Variants in KMT2D observed in about 807,000 individuals in gnomAD.
The protein encoded by KMT2D is lysine methyltransferase 2D, also known as histone-lysine N-methyltransferase 2D.
KMT2D carries 55 observed loss-of-function variants against 512.7 expected under a neutral mutation model. That is an observed-to-expected ratio of 0.11 (90% CI 0.09 to 0.13). KMT2D has a LOEUF of 0.13. Among genes scored for constraint, KMT2D ranks in the 10% least tolerant of loss-of-function variants. The pLI, the probability that KMT2D is intolerant of heterozygous loss-of-function variation, is 1.00. For synonymous variants in KMT2D, 2,995 were observed against 2,904.0 expected, an observed-to-expected ratio of 1.03 and a Z score of -1.01; for missense variants, 6,061 against 7,127.9, an observed-to-expected ratio of 0.85 and a Z score of 5.39.
In KMT2D at chr12:49,041,812, C is replaced by T; in HGVS notation, c.6183+105G>A. The T allele has an allele frequency of 1.3e-6, 2 of 1,520,470 alleles. No homozygotes were observed. Among genetic ancestry groups the T allele is most frequent in the Non-Finnish European group, 9.0e-7 (1 of 1,116,378 alleles). The allele number at this position is 1,520,470 out of a possible 1,614,324, so 94.2% of individuals were successfully genotyped here. On this transcript the variant is annotated intron_variant, in intron 30 of 54. Transcript: ENST00000301067. The surrounding 1 kb of genome is among the most constrained non-coding windows in gnomAD (Gnocchi z 5.4). The stretch of plus-strand genomic sequence containing the variant: ...TACCCAGAAGCAGATCCCTTCTGGC[C>T]CAGCTGCTTTAGGAGTGGGGAGCGG...
rs1013309167 is a variant in KMT2D at position 49,044,974 on chromosome 12, G to C, written c.4742-9C>G. ...GCGAAAGTACTGGGGCTCTGCATAA[G>C]AGGAAAGAGTATGTGATCCCTGGAT... On this transcript the variant is annotated splice_polypyrimidine_tract_variant and intron_variant, in intron 19 of 54. Transcript: ENST00000301067. The surrounding 1 kb of genome is among the most constrained non-coding windows in gnomAD (Gnocchi z 6.4). The C allele has an allele frequency of 3.7e-6, 6 of 1,609,972 alleles. No homozygotes were observed. The highest frequency in any genetic ancestry group is 5.1e-6 in the Non-Finnish European group (6 of 1,176,346).
Position 49,024,055 on chromosome 12 carries a change from C to G in KMT2D, c.16052+523G>C, listed in dbSNP as rs763527434. 2.2e-6 allele frequency: 1 copy of G among 455,660 alleles called. No homozygotes were observed. The highest frequency in any genetic ancestry group is 2.4e-5 in the Admixed American group (1 of 42,464). 28.2% of individuals were successfully genotyped at this position (455,660 alleles called of 1,614,324 possible). On this transcript the variant is annotated intron_variant, in intron 51 of 54. Transcript: ENST00000301067. This position sits in a 1 kb window ranked among gnomAD's most constrained non-coding sequence, Gnocchi z 4.5. ...GTCATACCACCTGCCCTACCTACCTCATAAGGTTGTTGTGAGGATCAAATG... is the reference window on the plus strand; with the variant it reads ...GTCATACCACCTGCCCTACCTACCTGATAAGGTTGTTGTGAGGATCAAATG...
In KMT2D at chr12:49,050,438, G is replaced by A. The variant is rs776139328; in HGVS notation, c.3150C>T (p.Ser1050=). The part of the protein sequence containing the change: ...SQCSPPALPL[S]VPSPLSPIGK... Reference sequence around the variant, plus strand: ...CTATGGGACTCAACGGGGAGGGAACGGACAGTGGTAGGGCAGGAGGAGAGC... The same window carrying A: ...CTATGGGACTCAACGGGGAGGGAACAGACAGTGGTAGGGCAGGAGGAGAGC... Residue 1050 remains serine (S), a synonymous_variant, in exon 12 of 55, where the codon TCC becomes TCT. Transcript: ENST00000301067. 1.1e-5 allele frequency: 18 copies of A among 1,613,834 alleles called. No individual in the cohort carries two copies. Among genetic ancestry groups the A allele is most frequent in the Admixed American group, 5.0e-5 (3 of 59,984 alleles).
chr12:49,043,029 C>T (rs771153216), intron 26 of KMT2D, 47 bp downstream of exon 26: 9 of 1,575,696 alleles, frequency 5.7e-6, no homozygotes, highest in Non-Finnish European at 7.9e-6. Flanking sequence ...TCCTCCTTCT[C>T]CCATAGAAAA....
chr12:49,046,280 G>T lies in KMT2D; in HGVS notation c.4563C>A (p.Ile1521=), dbSNP rs1167818305. The change falls in exon 17 of 55, where the codon ATC becomes ATA. Residue 1521 remains isoleucine, a synonymous_variant. Coordinates refer to ENST00000301067, the MANE Select transcript of KMT2D (RefSeq NM_003482.4). The surrounding 1 kb of genome is among the most constrained non-coding windows in gnomAD (Gnocchi z 4.2). ...HAPYVEEDLL[I]QCRHCERWMH... is the part of the protein sequence containing the mutation. ...CTCACCGTTCACAGTGGCGGCACTG[G>T]ATTAGTAGGTCCTCTTCTACGTAAG... The T allele has an allele frequency of 6.2e-7, 1 of 1,614,012 alleles. No homozygotes were observed. The highest frequency in any genetic ancestry group is 8.5e-7 in the Non-Finnish European group (1 of 1,179,896).
At position 49,040,426 on chromosome 12, in the gene KMT2D, G is replaced by A. The variant is rs778086996; in HGVS notation, c.7344C>T (p.Asp2448=). ...SPVTPRFQSP[D]PYSRPPSRPQ... Reference sequence around the variant, plus strand: ...GGCGTGAGGGTGGGCGAGAATAAGGGTCAGGGGACTGGAAGCGAGGGGTAA... The same window carrying A: ...GGCGTGAGGGTGGGCGAGAATAAGGATCAGGGGACTGGAAGCGAGGGGTAA... Residue 2448 remains aspartate (D), a synonymous_variant, in exon 32 of 55, where the codon GAC becomes GAT. Transcript: ENST00000301067. 6.4e-7 allele frequency: 1 copy of A among 1,563,634 alleles called. No individual in the cohort carries two copies. The highest frequency in any genetic ancestry group is 8.7e-7 in the Non-Finnish European group (1 of 1,153,976).
At position 49,037,881 on chromosome 12, in the gene KMT2D, T is replaced by A. The variant is rs2120486975; in HGVS notation, c.9475A>T (p.Ser3159Cys). Residue 3159 changes from serine to cysteine, a missense_variant, in exon 35 of 55, where the codon AGC becomes TGC. By Grantham distance (112) the Ser-to-Cys change is moderately radical. Around this residue, in one of 16 missense-constraint regions of KMT2D, gnomAD observed 533 missense variants for 539.6 expected, o/e 0.99. Coordinates refer to ENST00000301067, the MANE Select transcript of KMT2D (RefSeq NM_003482.4). Reference sequence around the variant, plus strand: ...CGGGTATCCCGGCTGCCCATCATGCTCTGTCCTGGCTTTAGCCCCAGGCCA... The same window carrying A: ...CGGGTATCCCGGCTGCCCATCATGCACTGTCCTGGCTTTAGCCCCAGGCCA... ...SLGLGLKPGQ[S>C]MMGSRDTRMG... 1 of 1,599,056 alleles carries A rather than the reference T, an allele frequency of 6.3e-7. No individual in the cohort carries two copies. Among genetic ancestry groups the A allele is most frequent in the African/African-American group, 1.3e-5 (1 of 74,790 alleles).
In KMT2D at chr12:49,049,118, A is replaced by G. The variant is rs775035507; in HGVS notation, c.4007T>C (p.Ile1336Thr). ...RARLKSTASS[I>T]ETLVVADIDS... ...GCATCTCCTTACTACCAGAGTCTCA[A>G]TGGAAGAAGCAGTTGACTTTAGCCG... The change falls in exon 13 of 55, where the codon ATT (isoleucine) becomes ACT (threonine). Residue 1336 changes from isoleucine (I) to threonine (T), a missense_variant. By Grantham distance (89) the Ile-to-Thr change is moderately conservative (BLOSUM62 -1). Around this residue, in one of 16 missense-constraint regions of KMT2D, gnomAD observed 447 missense variants for 500.1 expected, o/e 0.89. Transcript: ENST00000301067. 2.8e-5 allele frequency: 45 copies of G among 1,607,302 alleles called. No homozygotes were observed. The highest frequency in any genetic ancestry group is 1.6e-4 in the Middle Eastern group (1 of 6,078).
rs1311845601 is a variant in KMT2D at position 49,022,389 on chromosome 12, G to A, written c.16339-36C>T. The A allele has an allele frequency of 9.5e-6, 15 of 1,579,728 alleles. No homozygotes were observed. The highest frequency in any genetic ancestry group is 1.3e-5 in the Non-Finnish European group (15 of 1,158,198). ...AGAGGTTGCAGAAGAAGGGACAAGA[G>A]TATCAGAGAGTGGCAGTGGTGGCTG... is the stretch of plus-strand genomic sequence containing the variant. On this transcript the variant is annotated intron_variant, in intron 52 of 54. Transcript: ENST00000301067. The surrounding 1 kb of genome is among the most constrained non-coding windows in gnomAD (Gnocchi z 8.6).
In KMT2D at chr12:49,050,016, G is replaced by A. The variant is rs112236653; in HGVS notation, c.3572C>T (p.Pro1191Leu). The change falls in exon 12 of 55, where the codon CCG becomes CTG. Residue 1191 changes from proline to leucine, a missense_variant. Around this residue, in one of 16 missense-constraint regions of KMT2D, gnomAD observed 447 missense variants for 500.1 expected, o/e 0.89. Coordinates refer to ENST00000301067, the MANE Select transcript of KMT2D (RefSeq NM_003482.4). ...GAGAGTGGGTGGTGTGGGGGCCACC[G>A]GTGCACGTGGCTCTTCCTGTTCTTC... ...PCEEQEEPRAPVAPTPPTLIK... is the reference protein window; with the variant it reads ...PCEEQEEPRALVAPTPPTLIK... 1.6e-3 allele frequency: 2,506 copies of A among 1,613,898 alleles called. 2 individuals carry two copies. Among genetic ancestry groups the A allele is most frequent in the Non-Finnish European group, 2.0e-3 (2,365 of 1,179,884 alleles).
chr12:49,041,989 G>C lies in KMT2D; in HGVS notation c.6111C>G (p.Asp2037Glu), dbSNP rs1037767393. The part of the protein sequence containing the change: ...NFPNLKQDYP[D>E]WSSRCKQIMK... Reference sequence around the variant, plus strand: ...TGATTTGTTTGCAACGGCTTGACCAGTCTGGAGGGCAGAGAGAGTGAGTCA... The same window carrying C: ...TGATTTGTTTGCAACGGCTTGACCACTCTGGAGGGCAGAGAGAGTGAGTCA... The change falls in exon 30 of 55, where the codon GAC (aspartate) becomes GAG (glutamate). Residue 2037 changes from aspartate to glutamate, a missense_variant and splice_region_variant. Transcript: ENST00000301067. This position sits in a 1 kb window ranked among gnomAD's most constrained non-coding sequence, Gnocchi z 5.4. The C allele has an allele frequency of 1.9e-6, 3 of 1,612,372 alleles. No homozygotes were observed. The East Asian group carries it at 6.7e-5, about 36-fold the overall frequency.
At position 49,037,521 on chromosome 12, in the gene KMT2D, G is replaced by GCTGCTC. The variant is rs747246653; in HGVS notation, c.9834_9835insGAGCAG (p.Gln3278_Gln3279insGluGln). 2.7e-5 allele frequency: 42 copies of GCTGCTC among 1,556,112 alleles called. 2 individuals carry two copies. The South Asian group carries it at 4.5e-4, about 17-fold the overall frequency. ...GACAGTAGGGAATGCTGCTGCTGCTGTTGCTGCTGCTGCTGGGCAGGCTGC... is the reference window on the plus strand; with the variant it reads ...GACAGTAGGGAATGCTGCTGCTGCTGCTGCTCTTGCTGCTGCTGCTGGGCAGGCTGC... On this transcript the variant is annotated inframe_insertion, in exon 35 of 55. Transcript: ENST00000301067.
chr12:49,042,366 G>T lies in KMT2D; in HGVS notation c.5868-36C>A, dbSNP rs1592139692. 2 of 1,497,210 alleles carry T rather than the reference G, an allele frequency of 1.3e-6. No homozygotes were observed. The highest frequency in any genetic ancestry group is 1.8e-6 in the Non-Finnish European group (2 of 1,122,418). 92.7% of individuals were successfully genotyped at this position (1,497,210 alleles called of 1,614,324 possible). A position where few individuals can be genotyped will look rare whatever the true frequency, so the allele number is the denominator to read the frequency against. Reference sequence around the variant, plus strand: ...GGGGCAGAGAGTCACAGGGCGCAGGGATGCCAAGTCCCACCCCAGACAAAC... The same window carrying T: ...GGGGCAGAGAGTCACAGGGCGCAGGTATGCCAAGTCCCACCCCAGACAAAC... On this transcript the variant is annotated intron_variant, in intron 28 of 54. Coordinates refer to ENST00000301067, the MANE Select transcript of KMT2D (RefSeq NM_003482.4). This position sits in a 1 kb window ranked among gnomAD's most constrained non-coding sequence, Gnocchi z 4.4.
rs1937805387 is a variant in KMT2D, at chr12:49,049,685, T to C, written c.3903A>G (p.Lys1301=). Residue 1301 remains lysine, a synonymous_variant, in exon 12 of 55, where the codon AAA becomes AAG. Transcript: ENST00000301067. ...CCGCAGCTAGATAGCCCCTCACCTG[T>C]TTGATGCGGGAACGGGCTGGGGAGC... ...RRSSPARSRI[K]QGRSSSFPGR... is the part of the protein sequence containing the mutation. 1 of 1,579,600 alleles carries C rather than the reference T, an allele frequency of 6.3e-7. No individual in the cohort carries two copies. Among genetic ancestry groups the C allele is most frequent in the African/African-American group, 1.3e-5 (1 of 74,468 alleles).
chr12:49,021,043 T>G lies in KMT2D; in HGVS notation c.*737A>C. 1 of 195,262 alleles carries G rather than the reference T, an allele frequency of 5.1e-6. No homozygotes were observed. Among genetic ancestry groups the G allele is most frequent in the Non-Finnish European group, 1.1e-5 (1 of 93,918 alleles). 12.1% of individuals were successfully genotyped at this position (195,262 alleles called of 1,614,324 possible). A position where few individuals can be genotyped will look rare whatever the true frequency, so the allele number is the denominator to read the frequency against. On this transcript the variant is annotated 3_prime_UTR_variant, in exon 55 of 55. Coordinates refer to ENST00000301067, the MANE Select transcript of KMT2D (RefSeq NM_003482.4). ...GAGGTGGGGGAGAGGGTTGGGGCAG[T>G]AGGGGGCTTGGAGAGGGTCTCACAT...
In KMT2D at chr12:49,040,957, G is replaced by A. The variant is rs752831859; in HGVS notation, c.6813C>T (p.Pro2271=). The A allele has an allele frequency of 4.3e-6, 7 of 1,611,556 alleles. No homozygotes were observed. In the South Asian group the frequency reaches 6.6e-5, roughly 15 times the overall value. The change falls in exon 32 of 55, where the codon CCC becomes CCT. Residue 2271 remains proline (P), a synonymous_variant. Coordinates refer to ENST00000301067, the MANE Select transcript of KMT2D (RefSeq NM_003482.4). ...PGVGGGKASE[P]LLSPPPFGES... ...CCCCAAAAGGTGGGGGCGAGAGCAG[G>A]GGCTCGGAAGCTTTGCCTCCCCCTA...
rs1410821210 is a variant in KMT2D at position 49,054,689 on chromosome 12, C to G, written c.239G>C (p.Arg80Pro). The G allele has an allele frequency of 6.2e-7, 1 of 1,613,020 alleles. No individual in the cohort carries two copies. Among genetic ancestry groups the G allele is most frequent in the East Asian group, 2.2e-5 (1 of 44,806 alleles). Residue 80 changes from arginine (R) to proline (P), a missense_variant, in exon 4 of 55, where the codon CGG (arginine) becomes CCG (proline). Arg to Pro is a moderately radical substitution (Grantham distance 103, BLOSUM62 -2). Coordinates refer to ENST00000301067, the MANE Select transcript of KMT2D (RefSeq NM_003482.4). This position sits in a 1 kb window ranked among gnomAD's most constrained non-coding sequence, Gnocchi z 6.4. ...TGGCAACTCAAAGCGCCGTAGCTCC[C>G]GCTGCCCGTGTAGACTGGGCTCCCC... ...NCGEPSLHGQ[R>P]ELRRFELPFD...
chr12:49,034,844 C>G lies in KMT2D; in HGVS notation c.10323G>C (p.Gln3441His), dbSNP rs1592124511. 6.2e-7 allele frequency: 1 copy of G among 1,614,018 alleles called. No homozygotes were observed. Among genetic ancestry groups the G allele is most frequent in the Non-Finnish European group, 8.5e-7 (1 of 1,179,888 alleles). Residue 3441 changes from glutamine (Q) to histidine (H), a missense_variant, in exon 36 of 55, where the codon CAG becomes CAC. Gln to His is a conservative substitution (Grantham distance 24). This residue lies in a region of KMT2D where 533 missense variants were observed against 539.6 expected (regional missense o/e 0.99). Transcript: ENST00000301067. ...ALKGIKKVMA[Q>H]GSIGVAPGMN... ...TACCAGGTGCCACCCCAATGCTGCC[C>G]TGAGCCATCACTTTCTTGATGCCTT...
rs550510739 is a variant in KMT2D, at chr12:49,033,971, T to C, written c.10741-7A>G. 3.4e-5 allele frequency: 53 copies of C among 1,536,430 alleles called. No individual in the cohort carries two copies. The East Asian group carries it at 9.3e-4, about 27-fold the overall frequency. ...CCTTCTGCTGTTTCCGGACCTAACA[T>C]GGGAGGGTCGGAGAGGTCAGGCTGG... On this transcript the variant is annotated splice_polypyrimidine_tract_variant and splice_region_variant and intron_variant, in intron 39 of 54. Coordinates refer to ENST00000301067, the MANE Select transcript of KMT2D (RefSeq NM_003482.4).
Sources: allele counts gnomAD v4.1 joint callset, GRCh38; gene constraint gnomAD v4.1.1; regional missense constraint gnomAD v4.1.1; non-coding constraint Gnocchi (gnomAD v3.1); transcripts MANE v1.5; gene names NCBI Gene and HGNC (gene_info 2026-07-23, HGNC 2026-07-21).